RPS6KC1: variants seen among roughly 807,000 people sequenced by gnomAD.
RPS6KC1 encodes inactive ribosomal protein S6 kinase delta-1.
Under a neutral mutation model 103.8 loss-of-function variants are expected in RPS6KC1, and 54 were observed. The observed-to-expected ratio is 0.52, with a 90% CI of 0.42 to 0.65. The LOEUF (loss-of-function observed/expected upper bound fraction) is 0.65, where lower values mean the gene tolerates loss of function less well. Among genes scored for constraint, RPS6KC1 ranks in the 30% least tolerant of loss-of-function variants. RPS6KC1 has a pLI of 0.00. For missense variants in RPS6KC1, 1,151 were observed against 1,253.8 expected (o/e 0.92, Z 1.24); for synonymous variants, 439 against 438.7 (o/e 1.00, Z -0.01).
chr1:213,535,735 C>A, the RPS6KC1 span, among the ~76,000 whole-genome samples: 1 of 152,166 alleles, frequency 6.6e-6, no homozygotes, highest in Non-Finnish European at 1.5e-5. Context: ...GCTGCAACAG[C>A]TCCAGGTAAC....
At position 213,094,094 on chromosome 1, in the gene RPS6KC1, C is replaced by G. The variant is rs1349176895; in HGVS notation, c.263-10360C>G. On this transcript the variant is annotated intron_variant, in intron 3 of 14. Transcript: ENST00000366960. The stretch of plus-strand genomic sequence containing the variant: ...AATTTCAAATTTATGCTCCCCCCCC[C>G]CACCAAGAGAATAGTATAGTGAACA... Among the ~76,000 whole-genome samples, 6 of 151,800 alleles carry G rather than the reference C, an allele frequency of 4.0e-5. No individual in the cohort carries two copies. In the East Asian group the frequency reaches 1.2e-3, roughly 29 times the overall value.
the RPS6KC1 span, among the ~76,000 whole-genome samples, chr1:213,363,024 C>G: frequency 1.3e-5 from 2 of 152,188 alleles, no homozygotes; most frequent in African/African-American, 2.4e-5. Context: ...CCTGTTGGTT[C>G]TGTTTCTCTG....
the RPS6KC1 span, among the ~76,000 whole-genome samples, chr1:213,582,505 A>C: frequency 1.3e-5 from 2 of 152,218 alleles, no homozygotes; most frequent in Non-Finnish European, 2.9e-5. Context: ...TATGTCCTTA[A>C]AAGACCAGGG....
chr1:213,629,925 G>T, the RPS6KC1 span, among the ~76,000 whole-genome samples: 1 of 152,114 alleles, frequency 6.6e-6, no homozygotes, highest in Non-Finnish European at 1.5e-5. Context: ...ACTCTCTTGT[G>T]GCTTGTACAG....
At chr1:213,517,347 CT>C in the RPS6KC1 span, among the ~76,000 whole-genome samples, 2 of 152,132 alleles carry the variant, frequency 1.3e-5, no homozygotes, top group African/African-American at 2.4e-5. Flanking sequence ...ATATTTCCTG[CT>C]TTCTCTTGTG....
the RPS6KC1 span, among the ~76,000 whole-genome samples, chr1:213,829,393 A>T: frequency 4.6e-5 from 7 of 152,130 alleles, no homozygotes; most frequent in Non-Finnish European, 8.8e-5. Flanking sequence ...TGTCAGTCGG[A>T]AAGTACATAC....
the RPS6KC1 span, among the ~76,000 whole-genome samples, chr1:213,637,549 A>G: frequency 6.8e-6 from 1 of 147,018 alleles, no homozygotes; most frequent in Non-Finnish European, 1.5e-5. Flanking sequence ...TATATACCCT[A>G]GAACTTAAAG....
chr1:213,339,235 C>T, the RPS6KC1 span, among the ~76,000 whole-genome samples: 14 of 152,046 alleles, frequency 9.2e-5, no homozygotes, highest in Non-Finnish European at 1.6e-4. Context: ...CATTGCACTC[C>T]AGCCTGGGCA....
At chr1:213,084,980 C>T (rs1216655964) in intron 3 of RPS6KC1, among the ~76,000 whole-genome samples, 2 of 152,172 alleles carry the variant, frequency 1.3e-5, no homozygotes, top group Non-Finnish European at 2.9e-5. Flanking sequence ...AGCTTTTCCA[C>T]TGTGTTAGTT....
At chr1:213,591,911 A>G in the RPS6KC1 span, among the ~76,000 whole-genome samples, 1 of 152,168 alleles carries the variant, frequency 6.6e-6, no homozygotes, top group Non-Finnish European at 1.5e-5. Context: ...AGTTAGTCAC[A>G]TCTTGGGATG....
the RPS6KC1 span, among the ~76,000 whole-genome samples, chr1:213,611,394 T>C: frequency 6.6e-6 from 1 of 152,206 alleles, no homozygotes; most frequent in East Asian, 1.9e-4. Context: ...CACATGTGTG[T>C]TTGTTGGGGA....
chr1:213,772,696 C>T, the RPS6KC1 span, among the ~76,000 whole-genome samples: 1 of 151,214 alleles, frequency 6.6e-6, no homozygotes, highest in Admixed American at 6.6e-5. Flanking sequence ...ATCACAATGC[C>T]GGGGATGGAG....
chr1:213,418,916 A>T, the RPS6KC1 span, among the ~76,000 whole-genome samples: 2 of 152,172 alleles, frequency 1.3e-5, no homozygotes, highest in Non-Finnish European at 2.9e-5. Flanking sequence ...GGCCCGGCTC[A>T]CCGGGGTCTC....
the RPS6KC1 span, among the ~76,000 whole-genome samples, chr1:213,477,781 A>T: frequency 0.024 from 3,665 of 152,276 alleles, 151 homozygotes; most frequent in African/African-American, 0.084. Context: ...AGGTACAGGG[A>T]TATCCCCTCT....
At chr1:213,230,632 C>A in intron 9 of RPS6KC1, 88 bp downstream of exon 9, 3 of 870,468 alleles carry the variant, frequency 3.4e-6, no homozygotes, top group South Asian at 1.8e-5. Context: ...GTCAGGAGTT[C>A]GAGACTATCC....
At chr1:213,689,818 A>G in the RPS6KC1 span, among the ~76,000 whole-genome samples, 198 of 152,312 alleles carry the variant, frequency 1.3e-3, 2 homozygotes, top group African/African-American at 4.6e-3. Flanking sequence ...CTTCTAAATC[A>G]TTTTACCATA....
chr1:213,071,421 G>C (rs2078869649), intron 2 of RPS6KC1, among the ~76,000 whole-genome samples: 1 of 152,146 alleles, frequency 6.6e-6, no homozygotes, highest in Non-Finnish European at 1.5e-5. Context: ...GAGCCACTGT[G>C]CCTGGCCTGT....
the RPS6KC1 span, among the ~76,000 whole-genome samples, chr1:213,411,266 G>C: frequency 6.6e-6 from 1 of 152,212 alleles, no homozygotes; most frequent in Non-Finnish European, 1.5e-5. Context: ...CAAAGCAGCT[G>C]TGAGCACAGG....
At chr1:213,669,798 T>A in the RPS6KC1 span, among the ~76,000 whole-genome samples, 1 of 152,192 alleles carries the variant, frequency 6.6e-6, no homozygotes, top group Admixed American at 6.5e-5. Flanking sequence ...TTCCGACCGC[T>A]GATACATGGG....
Sources: allele counts gnomAD v4.1 joint callset (sites outside exome capture counted in the v4.1 genomes callset), GRCh38; gene constraint gnomAD v4.1.1; transcripts MANE v1.5; gene names NCBI Gene and HGNC (gene_info 2026-07-23, HGNC 2026-07-21).